DNAJB1: variants seen among roughly 807,000 people sequenced by gnomAD.
The protein encoded by DNAJB1 is DnaJ heat shock protein family (Hsp40) member B1, also known as dnaJ homolog subfamily B member 1.
DNAJB1 carries 14 observed loss-of-function variants against 24.0 expected under a neutral mutation model. The ratio of observed to expected loss-of-function variants is 0.58; its 90% CI spans 0.39 to 0.91. The LOEUF is 0.91. Ranked by LOEUF, DNAJB1 falls within the 40% of genes least tolerant of loss-of-function variation. DNAJB1 has a pLI of 0.00. For synonymous variants in DNAJB1, 262 were observed against 174.4 expected (o/e 1.50, Z -3.96); for missense variants, 517 against 458.1 (o/e 1.13, Z -1.17).
intron 1 of DNAJB1, among the ~76,000 whole-genome samples, chr19:14,549,937 TG>T (rs1392402073): frequency 1.3e-5 from 2 of 151,238 alleles, no homozygotes. Context: ...AGTGAGACTC[TG>T]TCTCAAAAAA....
At chr19:14,530,043 T>A, upstream of DNAJB1, 1 of 456,014 alleles carries the variant, frequency 2.2e-6, no homozygotes, top group South Asian at 2.2e-5. Flanking sequence ...TGCGGGACCC[T>A]TGCTCCCAAT....
chr19:14,545,130 CA>C (rs1408820205), intron 1 of DNAJB1: 1 of 456,604 alleles, frequency 2.2e-6, no homozygotes, highest in Non-Finnish European at 4.4e-6. Flanking sequence ...GATGATTCTT[CA>C]AGAAACCAAA....
chr19:14,522,677 C>CACACAGACACACAG (rs2072374360), upstream of DNAJB1, among the ~76,000 whole-genome samples: 1 of 73,724 alleles, frequency 1.4e-5, no homozygotes, highest in Non-Finnish European at 2.6e-5. Context: ...CACAGACACA[C>CACACAGACACACAG]ACACAGACAC....
At chr19:14,524,046 G>GGAGAT (rs1454825865) in intron 2 of DNAJB1, among the ~76,000 whole-genome samples, 1 of 152,164 alleles carries the variant, frequency 6.6e-6, no homozygotes, top group Non-Finnish European at 1.5e-5. Context: ...TTACAGGTGG[G>GGAGAT]GAGATGGAGA....
chr19:14,554,487 C>G (rs981576587), upstream of DNAJB1, among the ~76,000 whole-genome samples: 7 of 152,068 alleles, frequency 4.6e-5, no homozygotes, highest in Admixed American at 2.0e-4. Context: ...GGCCATTGAA[C>G]CTGCTTGTTT....
upstream of DNAJB1, among the ~76,000 whole-genome samples, chr19:14,522,470 C>G (rs969210675): frequency 2.4e-5 from 3 of 123,738 alleles, no homozygotes; most frequent in Non-Finnish European, 4.8e-5. Context: ...GGTGACAGAG[C>G]AAGACTCTGT....
chr19:14,516,071 G>T lies in DNAJB1; in HGVS notation c.892C>A (p.Pro298Thr), dbSNP rs1269803421. ...VIRPGMRRKV[P>T]GEGLPLPKTP... is the part of the protein sequence containing the mutation. ...TTGGGGAGGGGGAGGCCTTCTCCAG[G>T]AACTTTTCGCCGCATGCCAGGCCTG... Residue 298 changes from proline to threonine, a missense_variant, in exon 3 of 3, where the codon CCT becomes ACT. By Grantham distance (38) the Pro-to-Thr change is conservative (BLOSUM62 -1). Transcript: ENST00000254322. 3 of 1,613,664 alleles carry T rather than the reference G, an allele frequency of 1.9e-6. No homozygotes were observed. Among genetic ancestry groups the T allele is most frequent in the Admixed American group, 1.7e-5 (1 of 59,878 alleles).
upstream of DNAJB1, among the ~76,000 whole-genome samples, chr19:14,533,435 A>G (rs978220929): frequency 2.6e-5 from 4 of 152,140 alleles, no homozygotes; most frequent in Non-Finnish European, 4.4e-5. Flanking sequence ...AAAAAAAGAA[A>G]AAAATCTATT....
At chr19:14,558,603 A>G (rs548398141) in intron 1 of DNAJB1, among the ~76,000 whole-genome samples, 6 of 152,162 alleles carry the variant, frequency 3.9e-5, no homozygotes, top group Non-Finnish European at 8.8e-5. Context: ...GCCCCAGGCC[A>G]GAGTGCCTGC....
intron 1 of DNAJB1, chr19:14,545,256 C>T (rs1373614344): frequency 2.2e-6 from 1 of 455,250 alleles, no homozygotes. Context: ...TACTCTGTTC[C>T]AGCCTCCGGG....
upstream of DNAJB1, among the ~76,000 whole-genome samples, chr19:14,553,166 T>C (rs1001897920): frequency 1.1e-4 from 16 of 152,132 alleles, no homozygotes; most frequent in Non-Finnish European, 2.4e-4. Context: ...ATGACCATCT[T>C]CCAAGGCTGG....
intron 1 of DNAJB1, chr19:14,545,823 G>C (rs1160199577): frequency 1.3e-5 from 2 of 153,080 alleles, no homozygotes; most frequent in East Asian, 3.8e-4. Flanking sequence ...GGAAAGGGCT[G>C]TGTGGGTTCC....
intron 1 of DNAJB1, among the ~76,000 whole-genome samples, chr19:14,538,973 C>T (rs1480773967): frequency 2.7e-5 from 4 of 149,556 alleles, no homozygotes; most frequent in Admixed American, 2.0e-4. Context: ...CCATGCAAGT[C>T]ACATTTTTTT....
upstream of DNAJB1, chr19:14,518,424 T>G: frequency 3.3e-6 from 4 of 1,225,258 alleles, no homozygotes; most frequent in Non-Finnish European, 4.2e-6. Context: ...GGACTCTATA[T>G]ACCCGTCCGG....
At chr19:14,557,661 A>G (rs1008533507) in intron 1 of DNAJB1, among the ~76,000 whole-genome samples, 2 of 151,450 alleles carry the variant, frequency 1.3e-5, no homozygotes, top group Admixed American at 6.6e-5. Flanking sequence ...CATGTTGTCC[A>G]GGCTGGTCTT....
At position 14,516,058 on chromosome 19, in the gene DNAJB1, A is replaced by C. The variant is rs2072252787; in HGVS notation, c.905T>G (p.Leu302Arg). The C allele has an allele frequency of 6.2e-7, 1 of 1,613,048 alleles. No homozygotes were observed. Among genetic ancestry groups the C allele is most frequent in the Admixed American group, 1.7e-5 (1 of 59,726 alleles). The change falls in exon 3 of 3, where the codon CTC (leucine) becomes CGC (arginine). Residue 302 changes from leucine (L) to arginine (R), a missense_variant. Coordinates refer to ENST00000254322, the MANE Select transcript of DNAJB1 (RefSeq NM_006145.3). ...TTTCTCGGGTGTTTTGGGGAGGGGG[A>C]GGCCTTCTCCAGGAACTTTTCGCCG... ...GMRRKVPGEG[L>R]PLPKTPEKRG...
At chr19:14,528,501 G>A (rs935045864) in intron 1 of DNAJB1, among the ~76,000 whole-genome samples, 1 of 151,836 alleles carries the variant, frequency 6.6e-6, no homozygotes, top group African/African-American at 2.4e-5. Flanking sequence ...GCCTCCCAAG[G>A]TGCTAGGATT....
upstream of DNAJB1, among the ~76,000 whole-genome samples, chr19:14,520,644 C>T (rs974439041): frequency 6.6e-6 from 1 of 152,260 alleles, no homozygotes; most frequent in Middle Eastern, 3.4e-3. Context: ...GAGAACCATA[C>T]TTGAGCAGGG....
chr19:14,545,167 C>T (rs998689845), intron 1 of DNAJB1: 1 of 456,642 alleles, frequency 2.2e-6, no homozygotes, highest in Non-Finnish European at 4.4e-6. Flanking sequence ...CCAGCGATTC[C>T]TCATTGCTCA....
Sources: gnomAD v4.1 joint callset for allele counts (sites outside exome capture counted in the v4.1 genomes callset) on GRCh38, gnomAD v4.1.1 for gene constraint, MANE v1.5 for transcripts, NCBI Gene and HGNC (gene_info 2026-07-23, HGNC 2026-07-21) for gene names.